Variants in EHBP1 observed in about 807,000 individuals in gnomAD.
The protein encoded by EHBP1 is EH domain-binding protein 1.
EHBP1 carries 55 observed loss-of-function variants against 144.0 expected under a neutral mutation model. The observed-to-expected ratio is 0.38, with a 90% confidence interval of 0.31 to 0.48. The LOEUF (loss-of-function observed/expected upper bound fraction) is 0.48. Ranked by LOEUF, EHBP1 falls within the 20% of genes least tolerant of loss-of-function variation. The pLI is 0.98. For synonymous variants in EHBP1, 469 were observed against 472.7 expected, an observed-to-expected ratio of 0.99 and a Z score of 0.10; for missense variants, 1,200 against 1,364.2, an observed-to-expected ratio of 0.88 and a Z score of 1.90.
intron 18 of EHBP1, among the ~76,000 whole-genome samples, chr2:62,995,390 C>T (rs1381804782): frequency 6.6e-6 from 1 of 151,958 alleles, no homozygotes; most frequent in Non-Finnish European, 1.5e-5. Context: ...CATATGAGTA[C>T]AAATTACTTA....
intron 10 of EHBP1, among the ~76,000 whole-genome samples, chr2:62,903,841 C>G (rs973922098): frequency 6.6e-6 from 1 of 152,008 alleles, no homozygotes; most frequent in South Asian, 2.1e-4. Context: ...GTCTGCTCCC[C>G]AAAAGGAGAA....
chr2:62,799,607 G>A (rs1475111301), intron 5 of EHBP1, among the ~76,000 whole-genome samples: 2 of 152,046 alleles, frequency 1.3e-5, no homozygotes, highest in African/African-American at 2.4e-5. Context: ...ATTGCCCTGA[G>A]GCAAGCTCAA....
At chr2:62,920,769 TCTC>T (rs1377807248) in intron 10 of EHBP1, among the ~76,000 whole-genome samples, 5 of 151,976 alleles carry the variant, frequency 3.3e-5, no homozygotes, top group African/African-American at 9.7e-5. Context: ...TTCAGGCAAT[TCTC>T]CTGCCTCAGC....
intron 19 of EHBP1, among the ~76,000 whole-genome samples, chr2:63,026,081 A>G (rs536820794): frequency 3.9e-5 from 6 of 152,340 alleles, no homozygotes; most frequent in African/African-American, 1.4e-4. Flanking sequence ...ACATAAAGAC[A>G]TTAGAAATAT....
intron 5 of EHBP1, among the ~76,000 whole-genome samples, chr2:62,783,128 A>G (rs573409938): frequency 6.6e-6 from 1 of 152,290 alleles, no homozygotes; most frequent in Non-Finnish European, 1.5e-5. Context: ...TTCCAAAATG[A>G]TCTCCTTTGA....
intron 5 of EHBP1, among the ~76,000 whole-genome samples, chr2:62,786,073 A>T (rs1039987441): frequency 6.6e-6 from 1 of 152,164 alleles, no homozygotes; most frequent in African/African-American, 2.4e-5. Flanking sequence ...GGAACTTGAT[A>T]ATTTTCTGCC....
Position 62,864,689 on chromosome 2 carries a change from A to T in EHBP1, c.758-42A>T, listed in dbSNP as rs182546674. On this transcript the variant is annotated intron_variant, in intron 8 of 22. Transcript: ENST00000431489. ...ACTAAACAATATTAGAAAATATCAT[A>T]TGGTATTCATGTGATTTAATTCATC... 1.5e-5 allele frequency: 23 copies of T among 1,554,350 alleles called. No individual in the cohort carries two copies. In the Admixed American group the frequency reaches 3.1e-4, roughly 21 times the overall value.
intron 19 of EHBP1, among the ~76,000 whole-genome samples, chr2:62,997,378 A>G (rs1031786096): frequency 6.7e-6 from 1 of 150,042 alleles, no homozygotes; most frequent in Admixed American, 6.7e-5. Context: ...CTGATTGCCA[A>G]TGGTGATTGA....
chr2:62,705,196 C>T (rs1474780272), upstream of EHBP1, among the ~76,000 whole-genome samples: 1 of 152,022 alleles, frequency 6.6e-6, no homozygotes, highest in African/African-American at 2.4e-5. Flanking sequence ...TGCGCAAAAA[C>T]CCTAGTTGCC....
At chr2:62,998,220 A>G (rs1466156676) in intron 19 of EHBP1, among the ~76,000 whole-genome samples, 2 of 152,108 alleles carry the variant, frequency 1.3e-5, no homozygotes, top group South Asian at 2.1e-4. Flanking sequence ...GACCATGTAT[A>G]TCATTCCCCT....
At chr2:63,038,053 TAA>T (rs2061516061) in intron 20 of EHBP1, among the ~76,000 whole-genome samples, 1 of 152,152 alleles carries the variant, frequency 6.6e-6, no homozygotes, top group African/African-American at 2.4e-5. Flanking sequence ...AATTTTGGGA[TAA>T]AAGATAAGTT....
chr2:62,948,303 A>G lies in EHBP1; in HGVS notation c.1457A>G (p.Glu486Gly). 6.3e-7 allele frequency: 1 copy of G among 1,590,918 alleles called. No homozygotes were observed. Among genetic ancestry groups the G allele is most frequent in the Non-Finnish European group, 8.6e-7 (1 of 1,169,114 alleles). ...AGCATAGGAATTTCCCGATTATTGG[A>G]ACCTTCTGATATGGTATTATTAGCA... ...FASIGISRLL[E>G]PSDMVLLAIP... The change falls in exon 13 of 23, where the codon GAA becomes GGA. Residue 486 changes from glutamate to glycine, a missense_variant. Physicochemically the swap from Glu to Gly is moderately conservative, Grantham distance 98. Coordinates refer to ENST00000431489, the MANE Select transcript of EHBP1 (RefSeq NM_001142616.3).
chr2:62,994,629 C>T (rs907141392), intron 18 of EHBP1, among the ~76,000 whole-genome samples: 1 of 152,076 alleles, frequency 6.6e-6, no homozygotes, highest in Non-Finnish European at 1.5e-5. Flanking sequence ...TGTCTGGAAG[C>T]ATAGCTCTCT....
chr2:62,864,099 C>T (rs990059014), intron 8 of EHBP1, among the ~76,000 whole-genome samples: 1 of 152,018 alleles, frequency 6.6e-6, no homozygotes, highest in African/African-American at 2.4e-5. Flanking sequence ...CTACCCACCT[C>T]GGCCTCCCAA....
intron 13 of EHBP1, among the ~76,000 whole-genome samples, chr2:62,950,083 G>C (rs983584954): frequency 6.6e-6 from 1 of 151,724 alleles, no homozygotes; most frequent in Non-Finnish European, 1.5e-5. Context: ...TTCACATTTA[G>C]AATCCAGCTC....
At chr2:62,806,462 G>A (rs1231464116) in intron 5 of EHBP1, among the ~76,000 whole-genome samples, 1 of 151,534 alleles carries the variant, frequency 6.6e-6, no homozygotes, top group Non-Finnish European at 1.5e-5. Context: ...CCTCAACCTC[G>A]TGGGCTCAAG....
At chr2:62,942,587 T>C (rs1423073207) in intron 10 of EHBP1, 131 bp from the exon 11 acceptor site, 4 of 686,748 alleles carry the variant, frequency 5.8e-6, no homozygotes, top group South Asian at 8.1e-5. Context: ...GTTACAGTTG[T>C]CGTGAATTGA....
At position 62,745,204 on chromosome 2, in the gene EHBP1, T is replaced by C. The variant is rs559547284; in HGVS notation, c.105-2191T>C. 2.0e-5 allele frequency among the ~76,000 whole-genome samples: 3 copies of C among 152,126 alleles called. No homozygotes were observed. The East Asian group carries it at 5.8e-4, about 29-fold the overall frequency. Reference sequence around the variant, plus strand: ...TGAACCTCAACCTTGTACTAGATTATTAGTTGGTAGGATTACAAAGATAAA... The same window carrying C: ...TGAACCTCAACCTTGTACTAGATTACTAGTTGGTAGGATTACAAAGATAAA... On this transcript the variant is annotated intron_variant, in intron 2 of 22. Coordinates refer to ENST00000431489, the MANE Select transcript of EHBP1 (RefSeq NM_001142616.3).
Position 62,831,097 on chromosome 2 carries a change from A to G in EHBP1, c.573A>G (p.Glu191=). 1 of 1,609,650 alleles carries G rather than the reference A, an allele frequency of 6.2e-7. No homozygotes were observed. Residue 191 remains glutamate (E), a synonymous_variant, in exon 7 of 23, where the codon GAA becomes GAG. Coordinates refer to ENST00000431489, the MANE Select transcript of EHBP1 (RefSeq NM_001142616.3). ...ADIGNLDDFE[E]DNEDDDENRV... Reference sequence around the variant, plus strand: ...TTGGCAATTTAGATGACTTCGAAGAAGATAATGAAGATGATGATGAGAACA... The same window carrying G: ...TTGGCAATTTAGATGACTTCGAAGAGGATAATGAAGATGATGATGAGAACA...
Sources: allele counts gnomAD v4.1 joint callset (sites outside exome capture counted in the v4.1 genomes callset), GRCh38; gene constraint gnomAD v4.1.1; transcripts MANE v1.5; gene names NCBI Gene and HGNC (gene_info 2026-07-23, HGNC 2026-07-21).